GRM5: variants seen among roughly 807,000 people sequenced by gnomAD.
GRM5 encodes the protein metabotropic glutamate receptor 5.
Under a neutral mutation model 83.1 loss-of-function variants are expected in GRM5, and 19 were observed. The ratio of observed to expected loss-of-function variants is 0.23; its 90% CI spans 0.16 to 0.34. The LOEUF is 0.34. GRM5 is among the 10% of genes least tolerant of loss of function. GRM5 has a pLI of 1.00. For missense variants in GRM5, 1,160 were observed against 1,588.3 expected, an observed-to-expected ratio of 0.73 and a Z score of 4.58; for synonymous variants, 675 against 633.6, an observed-to-expected ratio of 1.07 and a Z score of -0.98.
At chr11:88,759,101 ACAT>A (rs1942456624) in intron 3 of GRM5, among the ~76,000 whole-genome samples, 1 of 152,160 alleles carries the variant, frequency 6.6e-6, no homozygotes. Context: ...TAGAACGGAA[ACAT>A]CATTACCATC....
chr11:88,858,361 A>G (rs1306469785), intron 2 of GRM5, among the ~76,000 whole-genome samples: 1 of 152,076 alleles, frequency 6.6e-6, no homozygotes, highest in Non-Finnish European at 1.5e-5. Context: ...CTATATGTAT[A>G]AAACATTATT....
chr11:88,691,911 C>T (rs1940789182), intron 3 of GRM5, among the ~76,000 whole-genome samples: 1 of 152,166 alleles, frequency 6.6e-6, no homozygotes, highest in Admixed American at 6.5e-5. Context: ...CCCTTTGAAG[C>T]AGCTCCCTGT....
intron 3 of GRM5, among the ~76,000 whole-genome samples, chr11:88,660,401 TGG>T (rs1939873969): frequency 6.6e-6 from 1 of 152,244 alleles, no homozygotes; most frequent in African/African-American, 2.4e-5. Context: ...ACAATGGGCA[TGG>T]ATTTTCACTA....
intron 3 of GRM5, among the ~76,000 whole-genome samples, chr11:88,826,928 A>G (rs968237981): frequency 3.7e-4 from 57 of 152,224 alleles, no homozygotes; most frequent in African/African-American, 1.3e-3. Context: ...GTCAGGCTAT[A>G]ACAATCTCTT....
intron 7 of GRM5, among the ~76,000 whole-genome samples, chr11:88,587,345 C>G (rs1031249378): frequency 6.6e-6 from 1 of 151,986 alleles, no homozygotes; most frequent in Admixed American, 6.6e-5. Context: ...AATATGTACA[C>G]AGACAGGGAG....
intron 4 of GRM5, among the ~76,000 whole-genome samples, chr11:88,651,696 G>A (rs1939637325): frequency 6.6e-6 from 1 of 151,990 alleles, no homozygotes; most frequent in Non-Finnish European, 1.5e-5. Flanking sequence ...ATCTGAAGTG[G>A]GAGAGAAGCA....
chr11:88,927,373 T>A (rs1338217092), intron 2 of GRM5, among the ~76,000 whole-genome samples: 1 of 152,086 alleles, frequency 6.6e-6, no homozygotes, highest in Non-Finnish European at 1.5e-5. Flanking sequence ...TTATTTTGAA[T>A]TTGCAATGTG....
intron 3 of GRM5, among the ~76,000 whole-genome samples, chr11:88,780,713 A>G (rs758058822): frequency 6.6e-6 from 1 of 151,496 alleles, no homozygotes; most frequent in African/African-American, 2.4e-5. Flanking sequence ...TGTTGTAAAG[A>G]TGGGGGTCTC....
chr11:88,646,710 G>A (rs1413556883), intron 4 of GRM5, among the ~76,000 whole-genome samples: 1 of 151,800 alleles, frequency 6.6e-6, no homozygotes, highest in Non-Finnish European at 1.5e-5. Flanking sequence ...AATCTTAAAG[G>A]CAGTGAAGAT....
At chr11:88,955,857 CA>C (rs1938594556) in intron 2 of GRM5, among the ~76,000 whole-genome samples, 2 of 152,196 alleles carry the variant, frequency 1.3e-5, no homozygotes, top group Non-Finnish European at 2.9e-5. Context: ...TCACACTTTG[CA>C]CAATAGATAT....
intron 3 of GRM5, among the ~76,000 whole-genome samples, chr11:88,826,321 T>C (rs1943893852): frequency 6.6e-6 from 1 of 152,070 alleles, no homozygotes; most frequent in Non-Finnish European, 1.5e-5. Flanking sequence ...ATTAAATATT[T>C]AGTACATATT....
intron 2 of GRM5, among the ~76,000 whole-genome samples, chr11:88,996,926 A>G (rs1259729131): frequency 1.3e-5 from 2 of 152,246 alleles, no homozygotes; most frequent in Non-Finnish European, 2.9e-5. Flanking sequence ...TCAAGATAGA[A>G]CTTTTTTAAA....
At position 88,969,654 on chromosome 11, in the gene GRM5, A is replaced by G. The variant is rs190105008; in HGVS notation, c.661+77558T>C. On this transcript the variant is annotated intron_variant, in intron 2 of 9. Coordinates refer to ENST00000305447, the MANE Select transcript of GRM5 (RefSeq NM_001143831.3). ...TAGCTCCATCAAGGATCAGATGTTT[A>G]TAGCAGTAAGAATTCTGTATGATTA... Among the ~76,000 whole-genome samples, 238 of 152,270 alleles carry G rather than the reference A, an allele frequency of 1.6e-3. 2 individuals are homozygous for G. Among genetic ancestry groups the G allele is most frequent in the African/African-American group, 5.6e-3 (233 of 41,576 alleles).
chr11:88,976,594 C>T lies in GRM5; in HGVS notation c.661+70618G>A, dbSNP rs543234017. ...ATTGCTGTTATTATGTAAATTTTAC[C>T]CATAATAGATTTGAGGAGGAGGTTG... On this transcript the variant is annotated intron_variant, in intron 2 of 9. Transcript: ENST00000305447. Among the ~76,000 whole-genome samples, 7 of 151,872 alleles carry T rather than the reference C, an allele frequency of 4.6e-5. 1 individual carries two copies. In the South Asian group the frequency reaches 1.5e-3, roughly 32 times the overall value.
chr11:88,662,843 C>A (rs998296091), intron 3 of GRM5, among the ~76,000 whole-genome samples: 2 of 152,124 alleles, frequency 1.3e-5, no homozygotes, highest in Non-Finnish European at 2.9e-5. Flanking sequence ...CACAGACCAC[C>A]AAATTCAGCC....
At chr11:88,645,954 C>A (rs1939432053) in intron 4 of GRM5, among the ~76,000 whole-genome samples, 1 of 152,050 alleles carries the variant, frequency 6.6e-6, no homozygotes, top group Admixed American at 6.6e-5. Flanking sequence ...TCATTTACTT[C>A]AACTGGGGAT....
intron 2 of GRM5, among the ~76,000 whole-genome samples, chr11:88,873,433 C>T (rs1408193771): frequency 2.0e-5 from 3 of 151,584 alleles, no homozygotes; most frequent in Non-Finnish European, 3.0e-5. Context: ...GCACATGGAA[C>T]ATTCTCCAGG....
At chr11:89,048,506 T>C (rs1941690039) in intron 1 of GRM5, among the ~76,000 whole-genome samples, 3 of 151,638 alleles carry the variant, frequency 2.0e-5, no homozygotes, top group African/African-American at 7.2e-5. Flanking sequence ...TAGGCTTTCT[T>C]TTCTTTTGAA....
intron 8 of GRM5, among the ~76,000 whole-genome samples, chr11:88,540,853 TCTC>T (rs1942249029): frequency 6.6e-6 from 1 of 152,064 alleles, no homozygotes; most frequent in South Asian, 2.1e-4. Context: ...TTCACGCCAT[TCTC>T]CTGCCTCAGC....
Sources: allele counts gnomAD v4.1 joint callset (sites outside exome capture counted in the v4.1 genomes callset), GRCh38; gene constraint gnomAD v4.1.1; transcripts MANE v1.5; gene names NCBI Gene and HGNC (gene_info 2026-07-23, HGNC 2026-07-21).